AGO2: variants seen among roughly 807,000 people sequenced by gnomAD.
The protein encoded by AGO2 is protein argonaute-2.
A neutral mutation model predicts 102.3 loss-of-function variants in AGO2; 5 were observed. That is an observed-to-expected ratio of 0.05 (90% CI 0.03 to 0.10). The LOEUF (loss-of-function observed/expected upper bound fraction) is 0.10. AGO2 is among the 10% of genes least tolerant of loss of function. The pLI, the probability that AGO2 is intolerant of heterozygous loss-of-function variation, is 1.00. For synonymous variants in AGO2, 449 were observed against 473.1 expected, an observed-to-expected ratio of 0.95 and a Z score of 0.66; for missense variants, 541 against 1,183.7, an observed-to-expected ratio of 0.46 and a Z score of 7.97.
rs1329873241 is a variant in AGO2, at chr8:140,522,614, G to T, written c.*9430C>A. On this transcript the variant is annotated 3_prime_UTR_variant, in exon 19 of 19. Coordinates refer to ENST00000220592, the MANE Select transcript of AGO2 (RefSeq NM_012154.5). ...AGAACAGGTCTTTTTGACTGTCACA[G>T]AAATGCACAATGGTCCATTTTCATC... 7.6e-6 allele frequency: 1 copy of T among 131,632 alleles called. No homozygotes were observed. The highest frequency in any genetic ancestry group is 2.8e-5 in the African/African-American group (1 of 35,090). The allele number at this position is 131,632 out of a possible 1,614,324, so 8.2% of individuals were successfully genotyped here. A position where few individuals can be genotyped will look rare whatever the true frequency, so the allele number is the denominator to read the frequency against.
intron 2 of AGO2, among the ~76,000 whole-genome samples, chr8:140,580,475 G>A (rs1422538576): frequency 6.6e-6 from 1 of 152,226 alleles, no homozygotes; most frequent in Admixed American, 6.5e-5. Flanking sequence ...GGAAGGAGAT[G>A]CTGAGCAGCA....
chr8:140,559,367 A>C, intron 6 of AGO2, 28 bp downstream of exon 6: 1 of 1,609,582 alleles, frequency 6.2e-7, no homozygotes, highest in Non-Finnish European at 8.5e-7. Context: ...CCCAGCCCTC[A>C]GCCAGGTGTG....
chr8:140,542,741 G>A (rs1371234748), intron 14 of AGO2, among the ~76,000 whole-genome samples: 1 of 152,178 alleles, frequency 6.6e-6, no homozygotes, highest in Non-Finnish European at 1.5e-5. Flanking sequence ...CAGGACCCTC[G>A]GGGGGTCCCC....
At chr8:140,619,027 T>C (rs1372688329) in intron 1 of AGO2, among the ~76,000 whole-genome samples, 1 of 151,620 alleles carries the variant, frequency 6.6e-6, no homozygotes, top group Non-Finnish European at 1.5e-5. Context: ...GGCGGCATGA[T>C]GGGGAGGGGT....
chr8:140,569,547 G>A (rs1044242348), intron 3 of AGO2, among the ~76,000 whole-genome samples: 13 of 152,202 alleles, frequency 8.5e-5, no homozygotes, highest in African/African-American at 3.1e-4. Flanking sequence ...ATTCAACTGA[G>A]CAGAGAAGCT....
chr8:140,611,106 G>A (rs1247239710), intron 1 of AGO2, among the ~76,000 whole-genome samples: 3 of 152,172 alleles, frequency 2.0e-5, no homozygotes, highest in Non-Finnish European at 4.4e-5. Flanking sequence ...CCCAGGGCCA[G>A]AGCGGCTTGT....
chr8:140,586,309 A>G (rs1296008405), intron 1 of AGO2, among the ~76,000 whole-genome samples: 2 of 152,194 alleles, frequency 1.3e-5, no homozygotes, highest in African/African-American at 2.4e-5. Context: ...CCTGGCCAAC[A>G]TGGTGAAACC....
At chr8:140,616,530 A>G (rs554538747) in intron 1 of AGO2, among the ~76,000 whole-genome samples, 64 of 152,392 alleles carry the variant, frequency 4.2e-4, no homozygotes, top group African/African-American at 1.5e-3. Context: ...AATTATAATA[A>G]AATACAATGC....
intron 4 of AGO2, among the ~76,000 whole-genome samples, chr8:140,561,564 C>T (rs1049258272): frequency 6.6e-6 from 1 of 152,224 alleles, no homozygotes; most frequent in Non-Finnish European, 1.5e-5. Context: ...AAAGCAGAGA[C>T]AGATTACACG....
At chr8:140,563,047 T>G (rs111857250) in intron 3 of AGO2, among the ~76,000 whole-genome samples, 1 of 152,136 alleles carries the variant, frequency 6.6e-6, no homozygotes, top group Non-Finnish European at 1.5e-5. Context: ...GAACCCACAG[T>G]TGAATCGCGA....
chr8:140,525,375 C>A lies in AGO2; in HGVS notation c.*6669G>T, dbSNP rs2072485310. On this transcript the variant is annotated 3_prime_UTR_variant, in exon 19 of 19. Coordinates refer to ENST00000220592, the MANE Select transcript of AGO2 (RefSeq NM_012154.5). ...TGGACCAGATTCTGACAGCCCAAGG[C>A]CAGCCCAGCGGACCCAAGCAGCCTG... is the stretch of plus-strand genomic sequence containing the variant. 1 of 152,404 alleles carries A rather than the reference C, an allele frequency of 6.6e-6. No homozygotes were observed. Among genetic ancestry groups the A allele is most frequent in the African/African-American group, 2.4e-5 (1 of 41,436 alleles). The allele number at this position is 152,404 out of a possible 1,614,324, so 9.4% of individuals were successfully genotyped here.
intron 6 of AGO2, 108 bp from the exon 7 acceptor site, chr8:140,558,680 T>TG (rs1379480402): frequency 1.5e-5 from 18 of 1,239,024 alleles, no homozygotes; most frequent in South Asian, 1.4e-4. Context: ...ACCCAAGTTA[T>TG]GGGGGGCTGC....
At chr8:140,534,810 C>T (rs191584553) in intron 17 of AGO2, among the ~76,000 whole-genome samples, 33 of 152,352 alleles carry the variant, frequency 2.2e-4, no homozygotes, top group Middle Eastern at 3.4e-3. Context: ...ACTAAGGTTC[C>T]TCCTGTCCCC....
intron 17 of AGO2, among the ~76,000 whole-genome samples, chr8:140,534,583 G>A (rs982680783): frequency 9.7e-4 from 148 of 152,252 alleles, no homozygotes; most frequent in African/African-American, 3.4e-3. Context: ...CACAGGCCAC[G>A]GTTCCCTAGC....
At position 140,522,212 on chromosome 8, in the gene AGO2, G is replaced by A. The variant is rs1156447071; in HGVS notation, c.*9832C>T. 3.3e-5 allele frequency: 5 copies of A among 151,990 alleles called. No homozygotes were observed. Among genetic ancestry groups the A allele is most frequent in the African/African-American group, 4.8e-5 (2 of 41,380 alleles). The allele number at this position is 151,990 out of a possible 1,614,324, so 9.4% of individuals were successfully genotyped here. A position where few individuals can be genotyped will look rare whatever the true frequency, so the allele number is the denominator to read the frequency against. On this transcript the variant is annotated 3_prime_UTR_variant, in exon 19 of 19. Coordinates refer to ENST00000220592, the MANE Select transcript of AGO2 (RefSeq NM_012154.5). ...TAAATAAAAATATCATTAAATAAAC[G>A]GAAATTACAATTTCAAGTTTCATGT...
intron 1 of AGO2, among the ~76,000 whole-genome samples, chr8:140,588,735 G>C (rs544885971): frequency 1.9e-4 from 29 of 152,304 alleles, no homozygotes; most frequent in African/African-American, 6.5e-4. Flanking sequence ...TGGTTGGAAG[G>C]GACCTCAGCT....
intron 14 of AGO2, among the ~76,000 whole-genome samples, chr8:140,543,780 A>G (rs1321320725): frequency 6.6e-6 from 1 of 152,232 alleles, no homozygotes; most frequent in Non-Finnish European, 1.5e-5. Flanking sequence ...CACCCAAGAA[A>G]GTTCTGAAAC....
intron 2 of AGO2, among the ~76,000 whole-genome samples, chr8:140,575,224 C>G (rs1049685856): frequency 2.0e-5 from 3 of 151,598 alleles, no homozygotes; most frequent in Admixed American, 6.6e-5. Context: ...CTGGCAGCCA[C>G]GGCACAATCT....
At chr8:140,630,967 C>T (rs950235552) in intron 1 of AGO2, among the ~76,000 whole-genome samples, 1 of 152,024 alleles carries the variant, frequency 6.6e-6, no homozygotes, top group African/African-American at 2.4e-5. Context: ...GGTGGGAGGG[C>T]GGCTTGTGCC....
Sources: gnomAD v4.1 joint callset for allele counts (sites outside exome capture counted in the v4.1 genomes callset) on GRCh38, gnomAD v4.1.1 for gene constraint, MANE v1.5 for transcripts, NCBI Gene and HGNC (gene_info 2026-07-23, HGNC 2026-07-21) for gene names.